TRIM48: variants seen among roughly 807,000 people sequenced by gnomAD.
TRIM48 encodes tripartite motif containing 48, also known as E3 ubiquitin-protein ligase TRIM48.
Under a neutral mutation model 29.5 loss-of-function variants are expected in TRIM48, and 31 were observed. That is an observed-to-expected ratio of 1.05 (90% CI 0.79 to 1.42). TRIM48 has a LOEUF of 1.42. TRIM48 is among the 40% of genes most tolerant of loss of function. TRIM48 has a pLI of 0.00. For synonymous variants in TRIM48, 128 were observed against 90.6 expected, an observed-to-expected ratio of 1.41 and a Z score of -2.34; for missense variants, 344 against 265.0, an observed-to-expected ratio of 1.30 and a Z score of -2.07.
At chr11:55,268,223 T>C in intron 3 of TRIM48, 127 bp from the exon 4 acceptor site, 1 of 867,434 alleles carries the variant, frequency 1.2e-6, no homozygotes. Flanking sequence ...AAATAGAAAA[T>C]GCTTTGCAGA....
rs9665915 is a variant in TRIM48, at chr11:55,268,757, C to A, written c.578+385C>A. The stretch of plus-strand genomic sequence containing the variant: ...CTATACACATATCAGTTAACAGTTC[C>A]GAAAAATAGATTGAAAAAACTATGG... On this transcript the variant is annotated intron_variant, in intron 4 of 5. Coordinates refer to ENST00000417545, the MANE Select transcript of TRIM48 (RefSeq NM_024114.5). Among the ~76,000 whole-genome samples, 12 of 146,148 alleles carry A rather than the reference C, an allele frequency of 8.2e-5. 3 individuals carry two copies. The highest frequency in any genetic ancestry group is 1.8e-4 in the Non-Finnish European group (12 of 66,408).
chr11:55,267,559 T>C (rs1857412285), intron 3 of TRIM48: 2 of 1,568,232 alleles, frequency 1.3e-6, no homozygotes, highest in African/African-American at 1.4e-5. Context: ...CCAAAATGGC[T>C]CATAGGAGGG....
chr11:55,265,861 G>A (rs1479336740), intron 3 of TRIM48, among the ~76,000 whole-genome samples, 166 bp downstream of exon 3: 3 of 145,944 alleles, frequency 2.1e-5, no homozygotes, highest in South Asian at 5.0e-4. Flanking sequence ...ATGTAGAATA[G>A]TGTGACTATT....
chr11:55,265,041 C>T lies in TRIM48; in HGVS notation c.186C>T (p.Ile62=). Residue 62 remains isoleucine (I), a synonymous_variant, in exon 2 of 6, where the codon ATC becomes ATT. Coordinates refer to ENST00000417545, the MANE Select transcript of TRIM48 (RefSeq NM_024114.5). ...GTTTCTACCTCAACTGGCAAGACAT[C>T]CCAATTCTTACTCAGTGCTTTGAAT... The part of the protein sequence containing the change: ...RPCFYLNWQD[I]PILTQCFECI... 3.2e-6 allele frequency: 5 copies of T among 1,584,164 alleles called. No homozygotes were observed. The highest frequency in any genetic ancestry group is 4.3e-6 in the Non-Finnish European group (5 of 1,166,230).
chr11:55,264,966 C>G lies in TRIM48; in HGVS notation c.111C>G (p.Tyr37Ter). 1 of 1,584,554 alleles carries G rather than the reference C, an allele frequency of 6.3e-7. No individual in the cohort carries two copies. Among genetic ancestry groups the G allele is most frequent in the Non-Finnish European group, 8.6e-7 (1 of 1,166,336 alleles). The change falls in exon 2 of 6, where the codon TAC (tyrosine) becomes TAG (stop). Residue 37 changes from tyrosine to a stop codon, truncating the protein, a stop_gained. Coordinates refer to ENST00000417545, the MANE Select transcript of TRIM48 (RefSeq NM_024114.5). LOFTEE classifies it high-confidence loss of function. The part of the protein sequence containing the change: ...RELTCPICMN[Y>*]FIDPVTIDCG... ...TCACCTGCCCCATCTGCATGAACTA[C>G]TTCATAGACCCGGTCACCATAGACT...
In TRIM48 at chr11:55,270,788, G is replaced by T; in HGVS notation, c.*353G>T. The stretch of plus-strand genomic sequence containing the variant: ...CCAATTACACTGCAGTATGTCCCAA[G>T]ACCTACCAACCATGTAGAATTATTC... On this transcript the variant is annotated 3_prime_UTR_variant, in exon 6 of 6. Coordinates refer to ENST00000417545, the MANE Select transcript of TRIM48 (RefSeq NM_024114.5). The T allele has an allele frequency of 6.3e-7, 1 of 1,575,634 alleles. No homozygotes were observed. The highest frequency in any genetic ancestry group is 1.2e-5 in the South Asian group (1 of 83,490).
intron 3 of TRIM48, among the ~76,000 whole-genome samples, chr11:55,267,005 C>T (rs1857404302): frequency 1.4e-5 from 2 of 147,708 alleles, no homozygotes; most frequent in African/African-American, 2.5e-5. Context: ...AGTCTAAGGT[C>T]ATTTCATATA....
At chr11:55,264,565 A>T (rs957083778) in intron 1 of TRIM48, among the ~76,000 whole-genome samples, 2 of 147,830 alleles carry the variant, frequency 1.4e-5, no homozygotes, top group African/African-American at 4.9e-5. Flanking sequence ...TGAAAGAAGA[A>T]TAGGAACAAC....
chr11:55,268,385 C>A lies in TRIM48; in HGVS notation c.578+13C>A, dbSNP rs1482320402. On this transcript the variant is annotated intron_variant, in intron 4 of 5. Transcript: ENST00000417545. Reference sequence around the variant, plus strand: ...ACATATTATACAGGTGAGTATGTACCTGGATTTTAGCATATGTTCTTTCAC... The same window carrying A: ...ACATATTATACAGGTGAGTATGTACATGGATTTTAGCATATGTTCTTTCAC... 2 of 1,546,788 alleles carry A rather than the reference C, an allele frequency of 1.3e-6. No individual in the cohort carries two copies. Among genetic ancestry groups the A allele is most frequent in the Non-Finnish European group, 1.8e-6 (2 of 1,139,192 alleles).
intron 5 of TRIM48, among the ~76,000 whole-genome samples, 199 bp downstream of exon 5, chr11:55,269,538 A>T (rs986899850): frequency 6.7e-6 from 1 of 148,150 alleles, no homozygotes; most frequent in African/African-American, 2.5e-5. Flanking sequence ...TGAAAAACAA[A>T]TACATTATGG....
In TRIM48 at chr11:55,265,063, G is replaced by A; in HGVS notation, c.208G>A (p.Glu70Lys). Reference protein sequence around the residue: ...QDIPILTQCFECIKTIQQRNL... With the variant: ...QDIPILTQCFKCIKTIQQRNL... ...CATCCCAATTCTTACTCAGTGCTTTGAATGCATAAAGACAATACAGCAGAG... is the reference window on the plus strand; with the variant it reads ...CATCCCAATTCTTACTCAGTGCTTTAAATGCATAAAGACAATACAGCAGAG... The change falls in exon 2 of 6, where the codon GAA becomes AAA. Residue 70 changes from glutamate to lysine, a missense_variant. Physicochemically the swap from Glu to Lys is moderately conservative, Grantham distance 56. Transcript: ENST00000417545. 1 of 1,583,670 alleles carries A rather than the reference G, an allele frequency of 6.3e-7. No homozygotes were observed. The highest frequency in any genetic ancestry group is 8.6e-7 in the Non-Finnish European group (1 of 1,166,122).
rs200112878 is a variant in TRIM48 at position 55,265,312 on chromosome 11, T to C, written c.457T>C (p.Trp153Arg). ...CGCTGAGTGGGCTGCTGAGGAACAC[T>C]GGGTAAGTGATGCCTCTGAAGATCT... The part of the protein sequence containing the change: ...CPAEWAAEEH[W>R]EKLLKKMQSL... Residue 153 changes from tryptophan (W) to arginine (R), a missense_variant and splice_region_variant, in exon 2 of 6, where the codon TGG (tryptophan) becomes CGG (arginine). Trp to Arg is a moderately radical substitution (Grantham distance 101). Coordinates refer to ENST00000417545, the MANE Select transcript of TRIM48 (RefSeq NM_024114.5). The C allele has an allele frequency of 1.1e-5, 17 of 1,581,776 alleles. 2 individuals carry two copies. The East Asian group carries it at 1.7e-4, about 16-fold the overall frequency.
At position 55,268,330 on chromosome 11, in the gene TRIM48, TCTA is replaced by T. The variant is rs758499739; in HGVS notation, c.556-19_556-17del. Reference sequence around the variant, plus strand: ...CATCTTGTGAACTGCACTAAATCTTTCTATTTTTTTTTTTTACAGGCTTTTGGA... The same window carrying T: ...CATCTTGTGAACTGCACTAAATCTTTTTTTTTTTTTTTACAGGCTTTTGGA... On this transcript the variant is annotated splice_polypyrimidine_tract_variant and intron_variant, in intron 3 of 5. Transcript: ENST00000417545. 2.0e-6 allele frequency: 3 copies of T among 1,521,794 alleles called. No individual in the cohort carries two copies. The highest frequency in any genetic ancestry group is 5.0e-5 in the East Asian group (2 of 40,264). 94.3% of individuals were successfully genotyped at this position (1,521,794 alleles called of 1,614,324 possible). A position where few individuals can be genotyped will look rare whatever the true frequency, so the allele number is the denominator to read the frequency against.
At position 55,270,554 on chromosome 11, in the gene TRIM48, C is replaced by G. The variant is rs1857468009; in HGVS notation, c.*119C>G. The stretch of plus-strand genomic sequence containing the variant: ...CCGCCCCATATCACTGCAACACCTA[C>G]AAGTTTTCTTGCATGGGGTGCTCAG... On this transcript the variant is annotated 3_prime_UTR_variant, in exon 6 of 6. Coordinates refer to ENST00000417545, the MANE Select transcript of TRIM48 (RefSeq NM_024114.5). The G allele has an allele frequency of 9.5e-6, 15 of 1,583,330 alleles. 2 individuals carry two copies. In the Admixed American group the frequency reaches 2.6e-4, roughly 27 times the overall value.
Position 55,270,581 on chromosome 11 carries a change from C to T in TRIM48, c.*146C>T. 2.5e-6 allele frequency: 4 copies of T among 1,583,602 alleles called. No homozygotes were observed. The East Asian group carries it at 7.2e-5, about 29-fold the overall frequency. On this transcript the variant is annotated 3_prime_UTR_variant, in exon 6 of 6. Coordinates refer to ENST00000417545, the MANE Select transcript of TRIM48 (RefSeq NM_024114.5). ...AGTTTTCTTGCATGGGGTGCTCAGA[C>T]TTTCACCTCTGGCAAATATTACTGG...
At position 55,266,708 on chromosome 11, in the gene TRIM48, G is replaced by A. The variant is rs1201416685; in HGVS notation, c.555+1013G>A. The stretch of plus-strand genomic sequence containing the variant: ...AATTGAACAAAGTTTCAAAGAGGAA[G>A]GGGAGCACAAAAGTGTGTATGGATA... On this transcript the variant is annotated intron_variant, in intron 3 of 5. Transcript: ENST00000417545. Among the ~76,000 whole-genome samples the A allele has an allele frequency of 1.7e-4, 25 of 147,766 alleles. 1 individual carries two copies. Among genetic ancestry groups the A allele is most frequent in the African/African-American group, 5.9e-4 (24 of 40,514 alleles).
At chr11:55,270,377 A>G in intron 5 of TRIM48, 60 bp from the exon 6 acceptor site, 1 of 1,306,266 alleles carries the variant, frequency 7.7e-7, no homozygotes. Flanking sequence ...TTATTTACAC[A>G]TGCCTATGCA....
In TRIM48 at chr11:55,269,878, T is replaced by C. The variant is rs763311260; in HGVS notation, c.*1+539T>C. Among the ~76,000 whole-genome samples the C allele has an allele frequency of 3.3e-4, 49 of 148,000 alleles. 6 individuals carry two copies. Among genetic ancestry groups the C allele is most frequent in the Non-Finnish European group, 6.1e-4 (41 of 66,956 alleles). On this transcript the variant is annotated intron_variant, in intron 5 of 5. Transcript: ENST00000417545. ...AAAGAAGTTCAGTTTAATTGCAATA[T>C]GAAAAGCTACATGTTAAGTCTAAAA...
intron 1 of TRIM48, among the ~76,000 whole-genome samples, chr11:55,263,199 T>G (rs1186388027): frequency 1.3e-5 from 2 of 152,172 alleles, no homozygotes; most frequent in African/African-American, 4.8e-5. Flanking sequence ...GTTTACATAC[T>G]AAATAATTAC....
Sources: gnomAD v4.1 joint callset for allele counts (sites outside exome capture counted in the v4.1 genomes callset) on GRCh38, gnomAD v4.1.1 for gene constraint, MANE v1.5 for transcripts, NCBI Gene and HGNC (gene_info 2026-07-23, HGNC 2026-07-21) for gene names.